Variants in ZNF878 observed in about 807,000 individuals in gnomAD.
ZNF878 encodes zinc finger protein 878.
A neutral mutation model predicts 11.1 loss-of-function variants in ZNF878; 10 were observed. The ratio of observed to expected loss-of-function variants is 0.90; its 90% CI spans 0.56 to 1.53. ZNF878 has a LOEUF of 1.53. Ranked by LOEUF, ZNF878 falls within the 40% of genes most tolerant of loss-of-function variation. ZNF878 has a pLI of 0.00. For synonymous variants in ZNF878, 165 were observed against 209.7 expected (o/e 0.79, Z 1.84); for missense variants, 548 against 626.1 (o/e 0.88, Z 1.33).
intron 1 of ZNF878, among the ~76,000 whole-genome samples, chr19:12,049,941 T>C (rs1975534763): frequency 6.6e-6 from 1 of 151,844 alleles, no homozygotes. Context: ...ACATCCAATT[T>C]TGGCCGGGTG....
intron 1 of ZNF878, among the ~76,000 whole-genome samples, chr19:12,047,985 C>T (rs73512952): frequency 0.01 from 1,597 of 152,196 alleles, 35 homozygotes; most frequent in African/African-American, 0.037. Context: ...GCAAAGAAAA[C>T]CAACCATGAC....
intron 1 of ZNF878, among the ~76,000 whole-genome samples, chr19:12,048,633 A>C (rs145777767): frequency 9.2e-5 from 14 of 152,118 alleles, no homozygotes; most frequent in Non-Finnish European, 1.8e-4. Flanking sequence ...CAGGAGTTCG[A>C]GACCAGCCTG....
At chr19:12,048,496 C>T (rs1235587304) in intron 1 of ZNF878, among the ~76,000 whole-genome samples, 5 of 143,648 alleles carry the variant, frequency 3.5e-5, no homozygotes, top group African/African-American at 7.8e-5. Context: ...CCAGCCTGGG[C>T]GACTGAACGA....
intron 1 of ZNF878, among the ~76,000 whole-genome samples, chr19:12,052,036 A>T (rs1975556830): frequency 6.6e-6 from 1 of 152,022 alleles, no homozygotes. Context: ...AGCTTTACAC[A>T]CTCTCAACCA....
At chr19:12,051,981 G>C (rs184186676) in intron 1 of ZNF878, among the ~76,000 whole-genome samples, 72 of 152,280 alleles carry the variant, frequency 4.7e-4, no homozygotes, top group African/African-American at 1.7e-3. Flanking sequence ...GGAATAACGT[G>C]GCAGATAACA....
At position 12,046,668 on chromosome 19, in the gene ZNF878, C is replaced by G; in HGVS notation, c.96G>C (p.Val32=). Reference sequence around the variant, plus strand: ...TCAGGTTCCTCAAGGTTTCCTGCATCACTTCCCTGTAGAGATTTTTCTGGG... The same window carrying G: ...TCAGGTTCCTCAAGGTTTCCTGCATGACTTCCCTGTAGAGATTTTTCTGGG... ...DPSQKNLYRE[V]MQETLRNLTS... The change falls in exon 2 of 4, where the codon GTG becomes GTC. Residue 32 remains valine, a synonymous_variant. Coordinates refer to ENST00000547628, the MANE Select transcript of ZNF878 (RefSeq NM_001080404.3). 6.2e-7 allele frequency: 1 copy of G among 1,614,066 alleles called. No homozygotes were observed. Among genetic ancestry groups the G allele is most frequent in the Non-Finnish European group, 8.5e-7 (1 of 1,179,990 alleles).
chr19:12,046,204 T>A, intron 3 of ZNF878, 164 bp downstream of exon 3: 1 of 594,340 alleles, frequency 1.7e-6, no homozygotes, highest in South Asian at 2.5e-5. Context: ...AGGGCTGGAT[T>A]ATACACATAA....
chr19:12,051,481 T>G (rs1975551538), intron 1 of ZNF878, among the ~76,000 whole-genome samples: 1 of 152,072 alleles, frequency 6.6e-6, no homozygotes, highest in African/African-American at 2.4e-5. Flanking sequence ...GTCTCATTCT[T>G]TCACCATGGC....
Position 12,044,809 on chromosome 19 carries a change from G to GC in ZNF878, c.591_592insG (p.Pro198AlafsTer3), listed in dbSNP as rs1568350405. On this transcript the variant is annotated frameshift_variant, in exon 4 of 4. Transcript: ENST00000547628. LOFTEE classifies it low-confidence loss of function (END_TRUNC). ...TTCCCACACTGCTTACATTCATAGG[G>GC]TTTTTTTGCAGAGTGGATTCTTTCA... is the stretch of plus-strand genomic sequence containing the variant. 2 of 1,614,042 alleles carry GC rather than the reference G, an allele frequency of 1.2e-6. No individual in the cohort carries two copies. The highest frequency in any genetic ancestry group is 2.7e-5 in the African/African-American group (2 of 74,916).
Position 12,052,790 on chromosome 19 carries a change from C to A in ZNF878, c.3+9G>T, listed in dbSNP as rs868496058. The A allele has an allele frequency of 6.5e-7, 1 of 1,535,886 alleles. No homozygotes were observed. The highest frequency in any genetic ancestry group is 8.7e-7 in the Non-Finnish European group (1 of 1,146,750). On this transcript the variant is annotated intron_variant, in intron 1 of 3. Coordinates refer to ENST00000547628, the MANE Select transcript of ZNF878 (RefSeq NM_001080404.3). ...TTCGCCTTGGGACTCCCCAGCACCG[C>A]ATGCTCACCATTTCCTGGCTTCCAG...
chr19:12,048,321 A>G (rs554293755), intron 1 of ZNF878, among the ~76,000 whole-genome samples: 1 of 150,896 alleles, frequency 6.6e-6, no homozygotes, highest in Non-Finnish European at 1.5e-5. Flanking sequence ...GATTGAGACC[A>G]TCCTGGCTAA....
Position 12,044,652 on chromosome 19 carries a change from G to C in ZNF878, c.749C>G (p.Thr250Ser), listed in dbSNP as rs905495473. The change falls in exon 4 of 4, where the codon ACT (threonine) becomes AGT (serine). Residue 250 changes from threonine to serine, a missense_variant. By Grantham distance (58) the Thr-to-Ser change is moderately conservative. This residue lies in a region of ZNF878 where 335 missense variants were observed against 358.2 expected (regional missense o/e 0.94). Coordinates refer to ENST00000547628, the MANE Select transcript of ZNF878 (RefSeq NM_001080404.3). ...CTTGCATTTATAGCGTTTCTCTCCA[G>C]TGTGACTTTTCTCGTGTCTTTTTAA... ...SSLKRHEKSH[T>S]GEKRYKCKQC... The C allele has an allele frequency of 7.4e-6, 12 of 1,613,940 alleles. No individual in the cohort carries two copies. The African/African-American group carries it at 1.2e-4, about 16-fold the overall frequency.
At chr19:12,046,901 T>G in intron 1 of ZNF878, 141 bp from the exon 2 acceptor site, 1 of 1,268,316 alleles carries the variant, frequency 7.9e-7, no homozygotes, top group Non-Finnish European at 1.1e-6. Context: ...TCAGATCCCT[T>G]ACTCTGTCTA....
At chr19:12,051,627 C>G (rs1483017051) in intron 1 of ZNF878, among the ~76,000 whole-genome samples, 1 of 152,050 alleles carries the variant, frequency 6.6e-6, no homozygotes, top group Non-Finnish European at 1.5e-5. Context: ...CAAAAATTGG[C>G]CGGGCGCAGT....
chr19:12,052,719 G>A lies in ZNF878; in HGVS notation c.3+80C>T, dbSNP rs187051928. 1,611 of 1,469,038 alleles carry A rather than the reference G, an allele frequency of 1.1e-3. 18 individuals carry two copies. Among genetic ancestry groups the A allele is most frequent in the South Asian group, 0.01 (824 of 82,092 alleles). 91.0% of individuals were successfully genotyped at this position (1,469,038 alleles called of 1,614,324 possible). On this transcript the variant is annotated intron_variant, in intron 1 of 3. Coordinates refer to ENST00000547628, the MANE Select transcript of ZNF878 (RefSeq NM_001080404.3). ...GCCCAGAGTCGCTGCAGGGGGGCCC[G>A]GGCCCCGCCACAGCGGGTTCCTCTC...
At chr19:12,048,539 A>G (rs1012593522) in intron 1 of ZNF878, among the ~76,000 whole-genome samples, 4 of 150,704 alleles carry the variant, frequency 2.7e-5, no homozygotes, top group African/African-American at 9.8e-5. Context: ...AAAAAAAAAG[A>G]AAAAATATGG....
intron 1 of ZNF878, among the ~76,000 whole-genome samples, chr19:12,048,022 T>A (rs1347542077): frequency 6.6e-6 from 1 of 152,132 alleles, no homozygotes; most frequent in Non-Finnish European, 1.5e-5. Flanking sequence ...AAAACTAAAC[T>A]GTAAACCCAA....
intron 2 of ZNF878, 95 bp from the exon 3 acceptor site, chr19:12,046,523 CTCATTTAT>C (rs1328032137): frequency 6.4e-7 from 1 of 1,562,710 alleles, no homozygotes; most frequent in Non-Finnish European, 8.7e-7. Flanking sequence ...GCACCTGTGT[CTCATTTAT>C]TCAAAGTATT....
intron 1 of ZNF878, among the ~76,000 whole-genome samples, chr19:12,050,118 G>GCA (rs1975536062): frequency 6.6e-6 from 1 of 152,134 alleles, no homozygotes; most frequent in Non-Finnish European, 1.5e-5. Flanking sequence ...CCAGCTACTT[G>GCA]GGAGGCTGAA....
Sources: gnomAD v4.1 joint callset for allele counts (sites outside exome capture counted in the v4.1 genomes callset) on GRCh38, gnomAD v4.1.1 for gene constraint, gnomAD v4.1.1 regional missense constraint, MANE v1.5 for transcripts, NCBI Gene and HGNC (gene_info 2026-07-23, HGNC 2026-07-21) for gene names.